The following DOCK11 variants were observed in gnomAD, a reference collection of about 807,000 sequenced individuals.
DOCK11 encodes the protein dedicator of cytokinesis protein 11.
DOCK11 carries 70 observed loss-of-function variants against 169.1 expected under a neutral mutation model. That is an observed-to-expected ratio of 0.41 (90% CI 0.34 to 0.51). The LOEUF is 0.51. DOCK11 is among the 20% of genes least tolerant of loss of function. The pLI is 0.10. For synonymous variants in DOCK11, 529 were observed against 541.3 expected (o/e 0.98, Z 0.32); for missense variants, 1,166 against 1,538.8 (o/e 0.76, Z 4.05).
At chrX:118,498,453 C>T (rs893647168) in intron 1 of DOCK11, among the ~76,000 whole-genome samples, 9 of 112,476 alleles carry the variant, frequency 8.0e-5, no homozygotes, top group African/African-American at 2.6e-4. Flanking sequence ...ATAGTTCTTA[C>T]ATGGAATGTA....
At chrX:118,501,568 A>G (rs182037231) in intron 1 of DOCK11, among the ~76,000 whole-genome samples, 1 of 112,275 alleles carries the variant, frequency 8.9e-6, no homozygotes, top group African/African-American at 3.2e-5. Flanking sequence ...GCTAGTGGCT[A>G]CTATATTGGA....
At chrX:118,681,864 A>G (rs761381926) in intron 51 of DOCK11, 70 bp downstream of exon 51, 4 of 836,725 alleles carry the variant, frequency 4.8e-6, no homozygotes, top group East Asian at 3.4e-5. Context: ...AAAAAACAAC[A>G]AAGTATTGAC....
chrX:118,669,237 G>A (rs775611769), intron 45 of DOCK11, among the ~76,000 whole-genome samples: 1 of 111,233 alleles, frequency 9.0e-6, no homozygotes, highest in African/African-American at 3.3e-5. Flanking sequence ...GAGAGAAAGG[G>A]TCAGATTTGA....
intron 31 of DOCK11, among the ~76,000 whole-genome samples, chrX:118,622,689 A>G (rs1012417133): frequency 4.5e-5 from 5 of 111,560 alleles, no homozygotes; most frequent in South Asian, 3.7e-4. Flanking sequence ...TATTACCCCC[A>G]TTTTACCAAA....
At chrX:118,681,825 C>T (rs752467524) in intron 51 of DOCK11, 31 bp downstream of exon 51, 2 of 1,088,198 alleles carry the variant, frequency 1.8e-6, no homozygotes, top group Non-Finnish European at 2.5e-6. Flanking sequence ...AGGTTAGACC[C>T]GTGTTCGTTT....
intron 14 of DOCK11, 28 bp from the exon 15 acceptor site, chrX:118,584,707 T>TAAA (rs35145775): frequency 9.7e-5 from 105 of 1,087,556 alleles, no homozygotes; most frequent in South Asian, 7.9e-4. Flanking sequence ...TTTTTTTTTT[T>TAAA]AAAAAAATGC....
chrX:118,544,645 C>CTTTTTTTTTTCTTTTTT (rs2012174776), intron 4 of DOCK11, among the ~76,000 whole-genome samples: 1 of 23,343 alleles, frequency 4.3e-5, no homozygotes, highest in Non-Finnish European at 7.2e-5. Flanking sequence ...TACACTGTTG[C>CTTTTTTTTTTCTTTTTT]TTTTTTTTTT....
intron 26 of DOCK11, 47 bp downstream of exon 26, chrX:118,608,403 C>G: frequency 2.6e-6 from 3 of 1,135,467 alleles, no homozygotes; most frequent in Non-Finnish European, 3.5e-6. Flanking sequence ...CATAGACACA[C>G]TTTTTTTGAT....
intron 1 of DOCK11, 96 bp from the exon 2 acceptor site, chrX:118,542,629 C>A: frequency 1.6e-6 from 1 of 616,769 alleles, no homozygotes; most frequent in Non-Finnish European, 2.6e-6. Flanking sequence ...TATCAGTAAT[C>A]CCTTCCTTTG....
At chrX:118,661,807 G>A (rs1339472329) in intron 44 of DOCK11, among the ~76,000 whole-genome samples, 3 of 111,530 alleles carry the variant, frequency 2.7e-5, no homozygotes, top group African/African-American at 9.8e-5. Flanking sequence ...CTCGACTGTT[G>A]CTTGACAGTA....
At chrX:118,564,337 G>T (rs1234008931) in intron 7 of DOCK11, among the ~76,000 whole-genome samples, 1 of 112,799 alleles carries the variant, frequency 8.9e-6, no homozygotes, top group Non-Finnish European at 1.9e-5. Flanking sequence ...TTAGAAGGAG[G>T]AACTTTCTTG....
intron 1 of DOCK11, among the ~76,000 whole-genome samples, chrX:118,496,445 C>G (rs1360093360): frequency 8.9e-6 from 1 of 112,825 alleles, no homozygotes; most frequent in Non-Finnish European, 1.9e-5. Flanking sequence ...AAGGGCACGA[C>G]GAGATCCTGA....
At chrX:118,512,530 G>A (rs985491074) in intron 1 of DOCK11, among the ~76,000 whole-genome samples, 29 of 111,877 alleles carry the variant, frequency 2.6e-4, no homozygotes, top group Non-Finnish European at 4.7e-4. Context: ...CTGTCAACTT[G>A]CATGATGCAG....
intron 35 of DOCK11, among the ~76,000 whole-genome samples, 192 bp downstream of exon 35, chrX:118,630,682 T>G (rs1447192893): frequency 8.9e-6 from 1 of 112,319 alleles, no homozygotes. Flanking sequence ...GTCACACAAG[T>G]TCGAGTCTTT....
chrX:118,660,289 A>T (rs1476271294), intron 44 of DOCK11, among the ~76,000 whole-genome samples: 1 of 111,905 alleles, frequency 8.9e-6, no homozygotes, highest in Non-Finnish European at 1.9e-5. Flanking sequence ...TCCTTTTAAT[A>T]GAAAGACTTT....
intron 1 of DOCK11, among the ~76,000 whole-genome samples, chrX:118,507,641 T>G (rs141521115): frequency 0.023 from 2,595 of 112,026 alleles, 55 homozygotes; most frequent in African/African-American, 0.06. Flanking sequence ...TGAGCCACCG[T>G]GCCCGGCCCG....
Position 118,608,338 on chromosome X carries a change from A to G in DOCK11, c.2859A>G (p.Ser953=), listed in dbSNP as rs1309466339. Residue 953 remains serine, a synonymous_variant, in exon 26 of 53, where the codon TCA becomes TCG. Coordinates refer to ENST00000276202, the MANE Select transcript of DOCK11 (RefSeq NM_144658.4). ...TGAAACAGTCTGCAGATTTTTTATC[A>G]ATAAACAAATTGCTAAAGGTATGAA... ...AILKQSADFL[S]INKLLKYSWF... is the part of the protein sequence containing the mutation. 21 of 1,207,428 alleles carry G rather than the reference A, an allele frequency of 1.7e-5. No homozygotes were observed. The highest frequency in any genetic ancestry group is 2.2e-5 in the Non-Finnish European group (20 of 894,345).
At chrX:118,680,750 G>T (rs1333311028) in intron 49 of DOCK11, 58 bp downstream of exon 49, 1 of 954,112 alleles carries the variant, frequency 1.0e-6, no homozygotes. Context: ...CAGCATACAC[G>T]AGTAGCAGCT....
chrX:118,620,268 T>C (rs894241179), intron 31 of DOCK11, among the ~76,000 whole-genome samples: 1 of 112,214 alleles, frequency 8.9e-6, no homozygotes, highest in Non-Finnish European at 1.9e-5. Context: ...TATTGTTTCA[T>C]AATAAATAAT....
Sources: gnomAD v4.1 joint callset for allele counts (sites outside exome capture counted in the v4.1 genomes callset) on GRCh38, gnomAD v4.1.1 for gene constraint, MANE v1.5 for transcripts, NCBI Gene and HGNC (gene_info 2026-07-23, HGNC 2026-07-21) for gene names.